Variants in DYM observed in about 807,000 individuals in gnomAD.
The protein encoded by DYM is dymeclin.
In DYM, 78 loss-of-function variants were observed where a neutral mutation model predicts 93.1. The ratio of observed to expected loss-of-function variants is 0.84; its 90% CI spans 0.70 to 1.01. The LOEUF (loss-of-function observed/expected upper bound fraction) is 1.01, where lower values mean the gene tolerates loss of function less well. Among genes scored for constraint, DYM ranks in the 50% least tolerant of loss-of-function variants. The probability of loss-of-function intolerance (pLI) is 0.00; values close to 1 mark genes in which losing one functional copy is unlikely to be tolerated. For missense variants in DYM, 789 were observed against 845.0 expected, an observed-to-expected ratio of 0.93 and a Z score of 0.82; for synonymous variants, 321 against 319.7, an observed-to-expected ratio of 1.00 and a Z score of -0.04.
intron 14 of DYM, among the ~76,000 whole-genome samples, chr18:49,184,961 A>G (rs1047985080): frequency 3.9e-5 from 6 of 152,186 alleles, no homozygotes; most frequent in Non-Finnish European, 8.8e-5. Context: ...GGAGTGCTAG[A>G]AGGAGGCTTT....
chr18:49,282,034 CTAA>C lies in DYM; in HGVS notation c.1085_1087del (p.Ile362del). ...ATCTGTGCGAGCCAACATGTATGTT[CTAA>C]TATTACTATTTTGATGGAGCAAGGT... is the stretch of plus-strand genomic sequence containing the variant. On this transcript the variant is annotated inframe_deletion, in exon 10 of 18. Transcript: ENST00000675505. The C allele has an allele frequency of 6.2e-7, 1 of 1,613,920 alleles. No homozygotes were observed. Among genetic ancestry groups the C allele is most frequent in the Non-Finnish European group, 8.5e-7 (1 of 1,179,916 alleles).
chr18:49,413,412 C>T (rs1346578568), intron 2 of DYM, among the ~76,000 whole-genome samples: 1 of 152,162 alleles, frequency 6.6e-6, no homozygotes, highest in Non-Finnish European at 1.5e-5. Flanking sequence ...GGTAAAGTAA[C>T]AATGATGCTT....
chr18:49,323,083 C>A (rs974188281), intron 8 of DYM, among the ~76,000 whole-genome samples: 1 of 152,100 alleles, frequency 6.6e-6, no homozygotes, highest in Non-Finnish European at 1.5e-5. Context: ...TAAGTGGTGG[C>A]CCTCAAAATT....
At chr18:49,339,053 G>GA (rs144426917) in intron 6 of DYM, among the ~76,000 whole-genome samples, 6,898 of 150,588 alleles carry the variant, frequency 0.046, 198 homozygotes, top group Middle Eastern at 0.095. Context: ...AACTCTGCTA[G>GA]AAAAAAAAAA....
chr18:49,098,480 T>C (rs2079789989), intron 16 of DYM, among the ~76,000 whole-genome samples: 1 of 152,220 alleles, frequency 6.6e-6, no homozygotes, highest in Non-Finnish European at 1.5e-5. Context: ...TAAATGCCAC[T>C]AAATGCATTT....
chr18:49,139,943 G>C (rs1311307595), intron 15 of DYM, among the ~76,000 whole-genome samples: 1 of 152,094 alleles, frequency 6.6e-6, no homozygotes, highest in African/African-American at 2.4e-5. Flanking sequence ...AATAGGCACA[G>C]CGGTAATCCT....
intron 8 of DYM, among the ~76,000 whole-genome samples, chr18:49,317,685 CTTCCTTT>C (rs1160722652): frequency 5.2e-5 from 6 of 115,432 alleles, no homozygotes; most frequent in Non-Finnish European, 9.1e-5. Flanking sequence ...TCCTTCCTTC[CTTCCTTT>C]CTTTCTTTCT....
At chr18:49,394,969 C>T (rs2069862207) in intron 2 of DYM, among the ~76,000 whole-genome samples, 1 of 152,146 alleles carries the variant, frequency 6.6e-6, no homozygotes, top group South Asian at 2.1e-4. Context: ...AGACCCCTAT[C>T]TCTAACCACT....
intron 17 of DYM, among the ~76,000 whole-genome samples, chr18:49,081,077 ACG>A (rs1342042506): frequency 4.0e-5 from 6 of 149,696 alleles, no homozygotes; most frequent in Non-Finnish European, 7.4e-5. Context: ...CCAGGCAGAG[ACG>A]CTCCTCACTT....
At chr18:49,344,613 C>A (rs1053936508) in intron 6 of DYM, among the ~76,000 whole-genome samples, 2 of 151,822 alleles carry the variant, frequency 1.3e-5, no homozygotes, top group Admixed American at 1.3e-4. Context: ...ATTTTTAAAT[C>A]ATTTTTATGT....
At chr18:49,056,264 C>A (rs571784651) in intron 17 of DYM, among the ~76,000 whole-genome samples, 1 of 152,296 alleles carries the variant, frequency 6.6e-6, no homozygotes, top group East Asian at 1.9e-4. Context: ...TGAAGACAGG[C>A]CATTTTCATT....
Position 49,071,059 on chromosome 18 carries a change from G to A in DYM, c.2025+26343C>T, listed in dbSNP as rs924877878. Among the ~76,000 whole-genome samples the A allele has an allele frequency of 2.0e-5, 3 of 152,196 alleles. 1 individual carries two copies. Among genetic ancestry groups the A allele is most frequent in the South Asian group, 4.1e-4 (2 of 4,822 alleles). Reference sequence around the variant, plus strand: ...AATAATCACTGATTTTTCATTTTCAGTTCCTGTAGGTTAGGGCTGGGATAC... The same window carrying A: ...AATAATCACTGATTTTTCATTTTCAATTCCTGTAGGTTAGGGCTGGGATAC... On this transcript the variant is annotated intron_variant, in intron 17 of 17. Transcript: ENST00000675505.
At chr18:49,169,686 T>C (rs1449467846) in intron 14 of DYM, among the ~76,000 whole-genome samples, 1 of 152,134 alleles carries the variant, frequency 6.6e-6, no homozygotes, top group Non-Finnish European at 1.5e-5. Flanking sequence ...CTGCCATCTA[T>C]GGTGGCCACA....
At chr18:49,135,837 T>G (rs2083793040) in intron 15 of DYM, among the ~76,000 whole-genome samples, 1 of 152,242 alleles carries the variant, frequency 6.6e-6, no homozygotes, top group Admixed American at 6.5e-5. Flanking sequence ...GAGAAAATAT[T>G]ATGTATATGT....
intron 15 of DYM, among the ~76,000 whole-genome samples, chr18:49,147,184 C>T (rs1429278088): frequency 6.6e-6 from 1 of 151,974 alleles, no homozygotes; most frequent in Non-Finnish European, 1.5e-5. Flanking sequence ...ACACCTTACA[C>T]AAAAATTAAT....
intron 14 of DYM, among the ~76,000 whole-genome samples, chr18:49,174,011 G>A (rs1436611019): frequency 6.6e-6 from 1 of 152,088 alleles, no homozygotes; most frequent in Non-Finnish European, 1.5e-5. Context: ...TCAGGTTGAA[G>A]AAATTCCCTC....
chr18:49,435,065 C>T (rs2080702941), intron 1 of DYM, among the ~76,000 whole-genome samples: 2 of 150,462 alleles, frequency 1.3e-5, no homozygotes, highest in South Asian at 2.1e-4. Flanking sequence ...AAAATTAGCA[C>T]AGCATGGTGG....
chr18:49,180,678 C>T (rs184064965), intron 14 of DYM, among the ~76,000 whole-genome samples: 1 of 152,174 alleles, frequency 6.6e-6, no homozygotes, highest in African/African-American at 2.4e-5. Flanking sequence ...TGATGTTATG[C>T]AGAAAGGAAT....
At chr18:49,217,218 G>A (rs2093108555) in intron 13 of DYM, among the ~76,000 whole-genome samples, 1 of 152,144 alleles carries the variant, frequency 6.6e-6, no homozygotes, top group African/African-American at 2.4e-5. Context: ...AGAATAAAAA[G>A]AAACGAACAA....
Sources: gnomAD v4.1 joint callset for allele counts (sites outside exome capture counted in the v4.1 genomes callset) on GRCh38, gnomAD v4.1.1 for gene constraint, MANE v1.5 for transcripts, NCBI Gene and HGNC (gene_info 2026-07-23, HGNC 2026-07-21) for gene names.